PLEKHG1: variants seen among roughly 807,000 people sequenced by gnomAD.
PLEKHG1 encodes the protein pleckstrin homology and RhoGEF domain containing G1, also known as pleckstrin homology domain-containing family G member 1.
A neutral mutation model predicts 100.8 loss-of-function variants in PLEKHG1; 44 were observed. The ratio of observed to expected loss-of-function variants is 0.44; its 90% CI spans 0.34 to 0.56. PLEKHG1 has a LOEUF of 0.56. Among genes scored for constraint, PLEKHG1 ranks in the 20% least tolerant of loss-of-function variants. The pLI, the probability that PLEKHG1 is intolerant of heterozygous loss-of-function variation, is 0.01. For synonymous variants in PLEKHG1, 640 were observed against 662.5 expected (o/e 0.97, Z 0.52); for missense variants, 1,545 against 1,720.9 (o/e 0.90, Z 1.81).
intron 3 of PLEKHG1, among the ~76,000 whole-genome samples, chr6:150,785,313 G>GA (rs1361009660): frequency 6.6e-6 from 1 of 151,918 alleles, no homozygotes; most frequent in African/African-American, 2.4e-5. Context: ...TAAATATATA[G>GA]CATATGACTC....
chr6:150,824,280 A>AT (rs1256476801), intron 14 of PLEKHG1, among the ~76,000 whole-genome samples: 1 of 152,110 alleles, frequency 6.6e-6, no homozygotes, highest in Non-Finnish European at 1.5e-5. Flanking sequence ...AAGAATAGGT[A>AT]TTTTCTCCTG....
chr6:150,833,842 G>A (rs954695223), intron 15 of PLEKHG1, among the ~76,000 whole-genome samples: 2 of 152,156 alleles, frequency 1.3e-5, no homozygotes, highest in African/African-American at 4.8e-5. Flanking sequence ...TATCAGGACA[G>A]GCTCTGATCA....
chr6:150,732,308 A>G (rs932358030), intron 1 of PLEKHG1, among the ~76,000 whole-genome samples: 1 of 151,958 alleles, frequency 6.6e-6, no homozygotes, highest in African/African-American at 2.4e-5. Flanking sequence ...GTACTTGTGG[A>G]GAGTTGTAGT....
intron 2 of PLEKHG1, among the ~76,000 whole-genome samples, chr6:150,764,118 T>TTTTC (rs1554269623): frequency 4.4e-5 from 3 of 68,290 alleles, no homozygotes; most frequent in South Asian, 4.4e-4. Context: ...TTTCTTTTTC[T>TTTTC]TTTTCTTTTT....
chr6:150,786,451 G>C, exon 4 of PLEKHG1: 1 of 1,610,492 alleles, frequency 6.2e-7, no homozygotes, highest in South Asian at 1.1e-5. Flanking sequence ...AGAGTGTTTT[G>C]TGTCCAAGGT....
chr6:150,830,712 C>A (rs1164569667), exon 15 of PLEKHG1: 1 of 1,614,056 alleles, frequency 6.2e-7, no homozygotes, highest in Non-Finnish European at 8.5e-7. Context: ...AACATCTGGA[C>A]CGATCACCAG....
intron 14 of PLEKHG1, among the ~76,000 whole-genome samples, chr6:150,829,816 C>T (rs372887413): frequency 9.2e-5 from 14 of 151,994 alleles, no homozygotes; most frequent in Middle Eastern, 3.2e-3. Context: ...TGGCCATGTT[C>T]GTGGTGGGTC....
At chr6:150,731,636 C>T (rs1782265348) in intron 1 of PLEKHG1, among the ~76,000 whole-genome samples, 1 of 152,138 alleles carries the variant, frequency 6.6e-6, no homozygotes, top group African/African-American at 2.4e-5. Context: ...CACATTATAA[C>T]CTTCCAAACA....
chr6:150,754,200 A>G (rs761841283), intron 2 of PLEKHG1, among the ~76,000 whole-genome samples: 73 of 152,324 alleles, frequency 4.8e-4, no homozygotes, highest in Middle Eastern at 3.4e-3. Context: ...AGGACAGCCA[A>G]TACTGGCAGT....
At chr6:150,773,217 T>C (rs887521931) in intron 3 of PLEKHG1, among the ~76,000 whole-genome samples, 4 of 152,208 alleles carry the variant, frequency 2.6e-5, no homozygotes, top group African/African-American at 4.8e-5. Flanking sequence ...CTTATTTTCA[T>C]ATGGCTAGCC....
intron 3 of PLEKHG1, among the ~76,000 whole-genome samples, chr6:150,655,327 G>A (rs1778920213): frequency 6.6e-6 from 1 of 152,132 alleles, no homozygotes; most frequent in South Asian, 2.1e-4. Context: ...AAAAACACAT[G>A]CACACGTATA....
intron 2 of PLEKHG1, among the ~76,000 whole-genome samples, chr6:150,735,679 G>A (rs1360749241): frequency 2.0e-5 from 3 of 152,184 alleles, no homozygotes; most frequent in African/African-American, 7.2e-5. Context: ...AGAAATACCT[G>A]TAAAACAGCC....
exon 16 of PLEKHG1, chr6:150,840,817 G>A (rs1777494098): frequency 6.2e-7 from 1 of 1,613,998 alleles, no homozygotes; most frequent in Non-Finnish European, 8.5e-7. Flanking sequence ...CTTTGGAGGG[G>A]GCCATCTCCC....
chr6:150,802,292 G>A (rs1232381551), intron 6 of PLEKHG1, among the ~76,000 whole-genome samples: 1 of 151,958 alleles, frequency 6.6e-6, no homozygotes, highest in African/African-American at 2.4e-5. Flanking sequence ...TAGATTTAGT[G>A]GGATTTATTT....
chr6:150,690,896 C>T (rs1022035541), intron 3 of PLEKHG1, among the ~76,000 whole-genome samples: 1 of 152,220 alleles, frequency 6.6e-6, no homozygotes, highest in Non-Finnish European at 1.5e-5. Flanking sequence ...ATCCCTGCCT[C>T]CTGTGAACAC....
chr6:150,707,529 TGG>T (rs1377670362), intron 3 of PLEKHG1, among the ~76,000 whole-genome samples: 1 of 152,076 alleles, frequency 6.6e-6, no homozygotes, highest in Non-Finnish European at 1.5e-5. Context: ...TGTGGCACAC[TGG>T]GAAGTGCACA....
chr6:150,747,724 G>C (rs2128626546), intron 2 of PLEKHG1, among the ~76,000 whole-genome samples: 1 of 152,032 alleles, frequency 6.6e-6, no homozygotes, highest in Middle Eastern at 3.4e-3. Context: ...GTGAAACCCT[G>C]TCTCTACTAA....
chr6:150,604,713 T>C (rs952776175), intron 1 of PLEKHG1, among the ~76,000 whole-genome samples: 2 of 152,254 alleles, frequency 1.3e-5, no homozygotes, highest in Admixed American at 1.3e-4. Context: ...GCCCTGGGGC[T>C]AGAAGTCTCT....
chr6:150,671,394 T>C (rs537642929), intron 3 of PLEKHG1, among the ~76,000 whole-genome samples: 1 of 152,312 alleles, frequency 6.6e-6, no homozygotes, highest in East Asian at 1.9e-4. Context: ...ATCCACACCA[T>C]ATGTTGCTTC....
Sources: allele counts gnomAD v4.1 joint callset (sites outside exome capture counted in the v4.1 genomes callset), GRCh38; gene constraint gnomAD v4.1.1; transcripts MANE v1.5; gene names NCBI Gene and HGNC (gene_info 2026-07-23, HGNC 2026-07-21).